DLC1: variants seen among roughly 807,000 people sequenced by gnomAD.
DLC1 encodes rho GTPase-activating protein 7.
In DLC1, 54 loss-of-function variants were observed where a neutral mutation model predicts 140.3. The ratio of observed to expected loss-of-function variants is 0.38; its 90% CI spans 0.31 to 0.48. The LOEUF (loss-of-function observed/expected upper bound fraction) is 0.48, where lower values mean the gene tolerates loss of function less well. DLC1 is among the 20% of genes least tolerant of loss of function. The pLI is 0.96. For missense variants in DLC1, 2,536 were observed against 1,907.0 expected (o/e 1.33, Z -6.14); for synonymous variants, 986 against 728.1 (o/e 1.35, Z -5.70).
chr8:13,400,552 A>G (rs1252978348), intron 3 of DLC1, among the ~76,000 whole-genome samples: 14 of 152,192 alleles, frequency 9.2e-5, no homozygotes, highest in Non-Finnish European at 1.9e-4. Flanking sequence ...TGATGTGTGC[A>G]ATATAAAACC....
intron 5 of DLC1, among the ~76,000 whole-genome samples, chr8:13,225,746 G>T (rs1314113415): frequency 6.6e-6 from 1 of 151,612 alleles, no homozygotes; most frequent in Non-Finnish European, 1.5e-5. Flanking sequence ...CTCCTGAGTA[G>T]CTGGGACTAC....
At chr8:13,452,648 AAT>A (rs1381226733) in intron 2 of DLC1, among the ~76,000 whole-genome samples, 2 of 152,304 alleles carry the variant, frequency 1.3e-5, no homozygotes, top group South Asian at 2.1e-4. Flanking sequence ...TTAGAATTAA[AAT>A]ATGTTTTTGC....
intron 2 of DLC1, among the ~76,000 whole-genome samples, chr8:13,476,762 C>T (rs1040464689): frequency 3.9e-5 from 6 of 151,928 alleles, no homozygotes; most frequent in African/African-American, 4.8e-5. Flanking sequence ...AAATGTTCAA[C>T]GGTAAAAAAA....
At chr8:13,367,266 C>G (rs185913066) in intron 4 of DLC1, among the ~76,000 whole-genome samples, 26 of 152,286 alleles carry the variant, frequency 1.7e-4, no homozygotes, top group African/African-American at 6.0e-4. Context: ...GGGTTTATAA[C>G]TCAGGACGTG....
intron 1 of DLC1, among the ~76,000 whole-genome samples, chr8:13,587,077 TACAC>T (rs3066501): frequency 1.8e-3 from 251 of 142,908 alleles, no homozygotes; most frequent in African/African-American, 5.7e-3. Context: ...GAAAATAGTT[TACAC>T]ACACACACAC....
intron 1 of DLC1, among the ~76,000 whole-genome samples, chr8:13,600,498 G>C (rs11203499): frequency 6.6e-6 from 1 of 151,666 alleles, no homozygotes; most frequent in African/African-American, 2.4e-5. Flanking sequence ...CGTCAAAGAC[G>C]TTTTGCATTT....
At chr8:13,424,792 C>T (rs1838481759) in intron 2 of DLC1, among the ~76,000 whole-genome samples, 1 of 151,998 alleles carries the variant, frequency 6.6e-6, no homozygotes, top group East Asian at 1.9e-4. Flanking sequence ...CCAGGATGGT[C>T]TTGGTCTCCT....
In DLC1 at chr8:13,117,652, T is replaced by C. The variant is rs539365083; in HGVS notation, c.1349-1995A>G. Among the ~76,000 whole-genome samples the C allele has an allele frequency of 5.9e-4, 90 of 152,370 alleles. 2 individuals carry two copies. The South Asian group carries it at 0.018, about 31-fold the overall frequency. On this transcript the variant is annotated intron_variant, in intron 5 of 17. Transcript: ENST00000276297. ...GAACAGACTGTTAGACATTGAACAA[T>C]AGATTGTTAAAAAGTAAATGTGCTT...
At position 13,393,630 on chromosome 8, in the gene DLC1, A is replaced by G. The variant is rs143447199; in HGVS notation, c.1237T>C (p.Leu413=). 4.3e-6 allele frequency: 7 copies of G among 1,614,008 alleles called. No individual in the cohort carries two copies. The highest frequency in any genetic ancestry group is 2.2e-5 in the East Asian group (1 of 44,884). The change falls in exon 4 of 18, where the codon TTG becomes CTG. Residue 413 remains leucine, a synonymous_variant. Coordinates refer to ENST00000276297, the MANE Select transcript of DLC1 (RefSeq NM_182643.3). ...TCCGTGGACTCAGTGTCAGAAGACA[A>G]ATTTACTCGTGTCTGATTTACTGAA... ...TISVNQTRVN[L]SSDTESTDLP...
intron 5 of DLC1, among the ~76,000 whole-genome samples, chr8:13,140,283 A>G (rs1390816581): frequency 6.6e-6 from 1 of 152,158 alleles, no homozygotes. Context: ...CCCAGGCTAG[A>G]GTGCAGTGGT....
chr8:13,520,047 TTATG>T (rs1802716001), intron 1 of DLC1, among the ~76,000 whole-genome samples: 1 of 152,176 alleles, frequency 6.6e-6, no homozygotes, highest in Non-Finnish European at 1.5e-5. Context: ...AGTTCAATCA[TTATG>T]TAAGACAGTG....
In DLC1 at chr8:13,489,413, A is replaced by ACACACACG. The variant is rs1491524361; in HGVS notation, c.1023+9635_1023+9636insCGTGTGTG. ...CAATTTAGTAAAACACACACACCAT[A>ACACACACG]CACACACACACACACACACACACAC... On this transcript the variant is annotated intron_variant, in intron 2 of 17. Coordinates refer to ENST00000276297, the MANE Select transcript of DLC1 (RefSeq NM_182643.3). Among the ~76,000 whole-genome samples the ACACACACG allele has an allele frequency of 9.8e-3, 5 of 510 alleles. No individual in the cohort carries two copies. In the Non-Finnish European group the frequency reaches 0.11, roughly 11 times the overall value. The allele number at this position is 510 out of a possible 152,430, so 0.3% of individuals were successfully genotyped here.
chr8:13,412,615 A>T (rs2117303241), intron 2 of DLC1, among the ~76,000 whole-genome samples: 1 of 152,292 alleles, frequency 6.6e-6, no homozygotes, highest in East Asian at 1.9e-4. Context: ...GGCCATGAGT[A>T]ACCTACGTAA....
At chr8:13,222,121 G>A (rs1218282462) in intron 5 of DLC1, among the ~76,000 whole-genome samples, 1 of 151,482 alleles carries the variant, frequency 6.6e-6, no homozygotes, top group Non-Finnish European at 1.5e-5. Context: ...GGCAAACTTT[G>A]GTGTTCATGT....
chr8:13,426,153 T>C (rs1838574446), intron 2 of DLC1, among the ~76,000 whole-genome samples: 2 of 152,134 alleles, frequency 1.3e-5, no homozygotes, highest in South Asian at 2.1e-4. Flanking sequence ...AAGAATCTGA[T>C]TGGATACAAA....
chr8:13,388,979 C>G (rs1392286559), intron 4 of DLC1, among the ~76,000 whole-genome samples: 1 of 151,876 alleles, frequency 6.6e-6, no homozygotes, highest in Non-Finnish European at 1.5e-5. Context: ...ATTCTGAATC[C>G]AGGTGCTGAG....
chr8:13,477,844 C>T (rs572461700), intron 2 of DLC1, among the ~76,000 whole-genome samples: 4 of 150,212 alleles, frequency 2.7e-5, no homozygotes, highest in African/African-American at 9.7e-5. Context: ...ACCAAGATCA[C>T]TAAATCGTTA....
At chr8:13,453,515 C>T (rs62492210) in intron 2 of DLC1, among the ~76,000 whole-genome samples, 373 of 23,244 alleles carry the variant, frequency 0.016, 47 homozygotes, top group African/African-American at 0.09. Flanking sequence ...TATATATATA[C>T]ATATATATAT....
intron 2 of DLC1, among the ~76,000 whole-genome samples, chr8:13,412,405 T>A (rs544821102): frequency 6.6e-6 from 1 of 152,282 alleles, no homozygotes; most frequent in South Asian, 2.1e-4. Context: ...TAGATACCTA[T>A]CTTAGAAAAT....
Sources: gnomAD v4.1 joint callset for allele counts (sites outside exome capture counted in the v4.1 genomes callset) on GRCh38, gnomAD v4.1.1 for gene constraint, MANE v1.5 for transcripts, NCBI Gene and HGNC (gene_info 2026-07-23, HGNC 2026-07-21) for gene names.